IMPG2: variants seen among roughly 807,000 people sequenced by gnomAD.
The protein encoded by IMPG2 is interphotoreceptor matrix proteoglycan 2, also known as IPM 200.
A neutral mutation model predicts 129.2 loss-of-function variants in IMPG2; 91 were observed. The ratio of observed to expected loss-of-function variants is 0.70; its 90% CI spans 0.59 to 0.84. IMPG2 has a LOEUF of 0.84. Among genes scored for constraint, IMPG2 ranks in the 40% least tolerant of loss-of-function variants. The pLI, the probability that IMPG2 is intolerant of heterozygous loss-of-function variation, is 0.00. For missense variants in IMPG2, 1,430 were observed against 1,461.7 expected (o/e 0.98, Z 0.35); for synonymous variants, 510 against 517.7 (o/e 0.99, Z 0.20).
intron 3 of IMPG2, among the ~76,000 whole-genome samples, chr3:101,298,229 T>C (rs575122354): frequency 6.6e-6 from 1 of 152,302 alleles, no homozygotes; most frequent in East Asian, 1.9e-4. Flanking sequence ...ACCCCTGCTT[T>C]TTTTTTTCTT....
At chr3:101,300,673 G>C (rs533972535) in intron 3 of IMPG2, among the ~76,000 whole-genome samples, 1 of 152,232 alleles carries the variant, frequency 6.6e-6, no homozygotes, top group Admixed American at 6.5e-5. Flanking sequence ...CGTGGGTCAC[G>C]CCAGTTGCCT....
At chr3:101,282,237 T>C (rs1016748367) in intron 4 of IMPG2, among the ~76,000 whole-genome samples, 5 of 152,088 alleles carry the variant, frequency 3.3e-5, no homozygotes, top group Non-Finnish European at 5.9e-5. Flanking sequence ...AGGGTTTTAA[T>C]GGATGATGGT....
chr3:101,241,737 G>A (rs753409938), intron 14 of IMPG2, among the ~76,000 whole-genome samples: 93 of 152,006 alleles, frequency 6.1e-4, no homozygotes, highest in Non-Finnish European at 1.3e-3. Flanking sequence ...TATCAAGGAT[G>A]ACTTCTCTGG....
At chr3:101,249,084 A>G (rs985389675) in intron 11 of IMPG2, among the ~76,000 whole-genome samples, 3 of 152,168 alleles carry the variant, frequency 2.0e-5, no homozygotes, top group African/African-American at 7.2e-5. Context: ...TTACAGCTCC[A>G]GCTGTCAGTG....
Position 101,227,000 on chromosome 3 carries a change from G to T in IMPG2, c.3714-19C>A. 6.2e-7 allele frequency: 1 copy of T among 1,612,934 alleles called. No homozygotes were observed. The highest frequency in any genetic ancestry group is 1.3e-5 in the African/African-American group (1 of 74,906). ...CTCTTCCCTGCCATGAAAACACAAAGAGCAATTCAGTAAAAAAAAAGCAAG... is the reference window on the plus strand; with the variant it reads ...CTCTTCCCTGCCATGAAAACACAAATAGCAATTCAGTAAAAAAAAAGCAAG... On this transcript the variant is annotated intron_variant, in intron 18 of 18. Transcript: ENST00000193391.
intron 4 of IMPG2, among the ~76,000 whole-genome samples, chr3:101,284,807 A>G (rs1706928290): frequency 6.6e-6 from 1 of 152,182 alleles, no homozygotes; most frequent in Non-Finnish European, 1.5e-5. Context: ...CCAGAGTCAG[A>G]GTAGGCTTAA....
intron 2 of IMPG2, among the ~76,000 whole-genome samples, chr3:101,312,590 CA>C (rs1428968712): frequency 6.6e-6 from 1 of 152,010 alleles, no homozygotes; most frequent in East Asian, 1.9e-4. Flanking sequence ...ACAGTACAAT[CA>C]CTTTGGAAAT....
intron 17 of IMPG2, 56 bp from the exon 18 acceptor site, chr3:101,228,932 C>G: frequency 8.0e-7 from 1 of 1,255,696 alleles, no homozygotes; most frequent in Non-Finnish European, 1.2e-6. Flanking sequence ...CCTCAACAGC[C>G]TTTTAAAAGG....
Position 101,253,733 on chromosome 3 carries a change from TG to T in IMPG2, c.1201del (p.Gln401LysfsTer58), listed in dbSNP as rs754942678. 6.2e-7 allele frequency: 1 copy of T among 1,612,200 alleles called. No homozygotes were observed. Among genetic ancestry groups the T allele is most frequent in the South Asian group, 1.1e-5 (1 of 90,844 alleles). The stretch of plus-strand genomic sequence containing the variant: ...CGGCGTTGCCTGAAGACTTGAACTT[TG>T]GGTGTTCCAAACTAGATCTTCAGTT... Reference protein sequence around the residue: ...HQTEDLVWNTQSSSLQATPSS... With the variant: ...HQTEDLVWNTXSSSLQATPSS... On this transcript the variant is annotated frameshift_variant, in exon 11 of 19. Coordinates refer to ENST00000193391, the MANE Select transcript of IMPG2 (RefSeq NM_016247.4). LOFTEE classifies it high-confidence loss of function.
At chr3:101,301,136 A>T (rs893869393) in intron 3 of IMPG2, among the ~76,000 whole-genome samples, 1 of 152,202 alleles carries the variant, frequency 6.6e-6, no homozygotes, top group Non-Finnish European at 1.5e-5. Flanking sequence ...AACATTTATC[A>T]ATTAAGCTTG....
At chr3:101,291,594 C>A (rs1707010041) in intron 3 of IMPG2, 84 bp from the exon 4 acceptor site, 1 of 924,318 alleles carries the variant, frequency 1.1e-6, no homozygotes, top group Non-Finnish European at 1.8e-6. Context: ...GAGACCACTA[C>A]TGCCCTACCA....
At chr3:101,271,345 A>G (rs1027733351) in intron 7 of IMPG2, among the ~76,000 whole-genome samples, 8 of 152,168 alleles carry the variant, frequency 5.3e-5, no homozygotes, top group African/African-American at 1.7e-4. Context: ...ATTACTACTA[A>G]ACCCATCTTA....
intron 11 of IMPG2, among the ~76,000 whole-genome samples, chr3:101,247,454 G>A (rs1221109068): frequency 1.3e-5 from 2 of 152,134 alleles, no homozygotes; most frequent in Admixed American, 6.5e-5. Flanking sequence ...AAAATTAGCT[G>A]GGTGTGGTGG....
At chr3:101,255,818 A>G (rs2107231922) in intron 10 of IMPG2, among the ~76,000 whole-genome samples, 1 of 152,210 alleles carries the variant, frequency 6.6e-6, no homozygotes, top group African/African-American at 2.4e-5. Flanking sequence ...TATATAAGGA[A>G]GTGAGCCCAG....
intron 10 of IMPG2, among the ~76,000 whole-genome samples, chr3:101,254,969 C>T (rs1706583056): frequency 6.6e-6 from 1 of 152,024 alleles, no homozygotes; most frequent in African/African-American, 2.4e-5. Context: ...TCCCCTACCT[C>T]CCTCCTGCTC....
In IMPG2 at chr3:101,225,677, GT is replaced by G. The variant is rs1453760640; in HGVS notation, c.*1291del. The G allele has an allele frequency of 6.6e-6, 1 of 152,088 alleles. No individual in the cohort carries two copies. The highest frequency in any genetic ancestry group is 1.5e-5 in the Non-Finnish European group (1 of 68,014). The allele number at this position is 152,088 out of a possible 1,614,324, so 9.4% of individuals were successfully genotyped here. Reference sequence around the variant, plus strand: ...AAATAAATCAAAATGTTCAGAATTGGTTTTGGCAAGCATGAAGACATCTAGC... The same window carrying G: ...AAATAAATCAAAATGTTCAGAATTGGTTTGGCAAGCATGAAGACATCTAGC... On this transcript the variant is annotated 3_prime_UTR_variant, in exon 19 of 19. Coordinates refer to ENST00000193391, the MANE Select transcript of IMPG2 (RefSeq NM_016247.4).
chr3:101,316,092 T>C (rs1489423131), intron 2 of IMPG2, among the ~76,000 whole-genome samples: 13 of 152,014 alleles, frequency 8.6e-5, no homozygotes, highest in Admixed American at 7.9e-4. Flanking sequence ...CTTTGATCCA[T>C]ATGTCATAAT....
intron 11 of IMPG2, among the ~76,000 whole-genome samples, chr3:101,247,120 A>G (rs1031475285): frequency 6.6e-6 from 1 of 152,074 alleles, no homozygotes; most frequent in African/African-American, 2.4e-5. Context: ...AATGTTTAAC[A>G]ATAATGCTAA....
chr3:101,252,401 A>G (rs753080025), intron 11 of IMPG2, among the ~76,000 whole-genome samples: 1 of 152,148 alleles, frequency 6.6e-6, no homozygotes, highest in Non-Finnish European at 1.5e-5. Flanking sequence ...TGGTTAGAGA[A>G]TGTGATTAAA....
Sources: gnomAD v4.1 joint callset for allele counts (sites outside exome capture counted in the v4.1 genomes callset) on GRCh38, gnomAD v4.1.1 for gene constraint, MANE v1.5 for transcripts, NCBI Gene and HGNC (gene_info 2026-07-23, HGNC 2026-07-21) for gene names.